Variants in CPT1A observed in about 807,000 individuals in gnomAD.
CPT1A encodes carnitine palmitoyltransferase 1A.
In CPT1A, 64 loss-of-function variants were observed where a neutral mutation model predicts 100.8. That is an observed-to-expected ratio of 0.63 (90% CI 0.52 to 0.78). The LOEUF (loss-of-function observed/expected upper bound fraction) is 0.78. Among genes scored for constraint, CPT1A ranks in the 30% least tolerant of loss-of-function variants. CPT1A has a pLI of 0.00. For missense variants in CPT1A, 802 were observed against 1,034.1 expected (o/e 0.78, Z 3.08); for synonymous variants, 363 against 396.0 (o/e 0.92, Z 0.99).
At chr11:68,803,482 G>T (rs1855958992) in intron 5 of CPT1A, among the ~76,000 whole-genome samples, 1 of 152,010 alleles carries the variant, frequency 6.6e-6, no homozygotes, top group South Asian at 2.1e-4. Flanking sequence ...AGGCTGAGGC[G>T]GGTGGATCAC....
chr11:68,774,070 G>A (rs1855075408), intron 13 of CPT1A, among the ~76,000 whole-genome samples: 1 of 152,222 alleles, frequency 6.6e-6, no homozygotes. Context: ...GACCCTGGAC[G>A]CATGCCAATG....
intron 12 of CPT1A, among the ~76,000 whole-genome samples, 187 bp from the exon 13 acceptor site, chr11:68,775,619 G>A (rs1033050437): frequency 2.0e-5 from 3 of 152,184 alleles, no homozygotes; most frequent in South Asian, 4.1e-4. Context: ...GACAGAGAGA[G>A]GACAGACGAG....
At position 68,807,406 on chromosome 11, in the gene CPT1A, G is replaced by A; in HGVS notation, c.453+61C>T. On this transcript the variant is annotated intron_variant, in intron 4 of 18. Coordinates refer to ENST00000265641, the MANE Select transcript of CPT1A (RefSeq NM_001876.4). ...CGCAGGGGTGTCCTTCCGCAGGGGTGTCCTTCTTCCCAAAGCCCAAACTGT... is the reference window on the plus strand; with the variant it reads ...CGCAGGGGTGTCCTTCCGCAGGGGTATCCTTCTTCCCAAAGCCCAAACTGT... 2.0e-6 allele frequency: 3 copies of A among 1,536,844 alleles called. No individual in the cohort carries two copies. The East Asian group carries it at 7.0e-5, about 36-fold the overall frequency.
At chr11:68,777,004 G>A (rs1566351755) in intron 12 of CPT1A, among the ~76,000 whole-genome samples, 3 of 152,354 alleles carry the variant, frequency 2.0e-5, no homozygotes, top group African/African-American at 7.2e-5. Context: ...GGCGGGGCGG[G>A]TGGAAGGTGC....
intron 12 of CPT1A, among the ~76,000 whole-genome samples, chr11:68,776,979 G>C (rs545539391): frequency 6.6e-6 from 1 of 152,354 alleles, no homozygotes; most frequent in Admixed American, 6.5e-5. Context: ...CGGGGTGACT[G>C]TCGGCTGGCG....
At chr11:68,822,309 A>G (rs3019614) in intron 1 of CPT1A, among the ~76,000 whole-genome samples, 135,810 of 152,106 alleles carry the variant, frequency 0.89, 62,133 homozygotes, top group Non-Finnish European at 1. Context: ...AGACAGGAGG[A>G]TTGCTTTGGC....
intron 14 of CPT1A, among the ~76,000 whole-genome samples, chr11:68,770,152 C>T (rs1594324138): frequency 6.6e-6 from 1 of 152,048 alleles, no homozygotes; most frequent in African/African-American, 2.4e-5. Context: ...TCTCCCTCTC[C>T]CTGGGGAGGA....
intron 1 of CPT1A, among the ~76,000 whole-genome samples, chr11:68,834,727 C>G (rs926170705): frequency 1.3e-5 from 2 of 152,082 alleles, no homozygotes; most frequent in Non-Finnish European, 2.9e-5. Flanking sequence ...GATGACAGAG[C>G]GAGACCCTGT....
intron 14 of CPT1A, among the ~76,000 whole-genome samples, chr11:68,763,246 A>C (rs1854681580): frequency 6.6e-6 from 1 of 152,124 alleles, no homozygotes; most frequent in African/African-American, 2.4e-5. Flanking sequence ...GGCCTGGTGG[A>C]GGTGGGTCAG....
At chr11:68,776,272 G>T (rs1169136625) in intron 12 of CPT1A, among the ~76,000 whole-genome samples, 1 of 152,140 alleles carries the variant, frequency 6.6e-6, no homozygotes, top group Non-Finnish European at 1.5e-5. Flanking sequence ...GGTGGCACAT[G>T]GCTGTAGTCC....
intron 17 of CPT1A, 45 bp from the exon 18 acceptor site, chr11:68,759,706 A>G (rs375886039): frequency 2.1e-5 from 30 of 1,407,014 alleles, no homozygotes; most frequent in African/African-American, 4.2e-5. Flanking sequence ...AAATGAGACA[A>G]CGTGAAAAAG....
chr11:68,786,093 T>G, intron 9 of CPT1A: 2 of 701,794 alleles, frequency 2.8e-6, no homozygotes, highest in Non-Finnish European at 5.2e-6. Flanking sequence ...CCAGGAGCAG[T>G]GGCTCACCCT....
At chr11:68,834,495 T>G (rs1411706647) in intron 1 of CPT1A, among the ~76,000 whole-genome samples, 1 of 152,118 alleles carries the variant, frequency 6.6e-6, no homozygotes, top group Non-Finnish European at 1.5e-5. Flanking sequence ...CTCATGCCTG[T>G]AATCCCAATA....
At chr11:68,821,423 G>A (rs1374120124) in intron 1 of CPT1A, among the ~76,000 whole-genome samples, 1 of 152,206 alleles carries the variant, frequency 6.6e-6, no homozygotes, top group Non-Finnish European at 1.5e-5. Flanking sequence ...AAAGTGCTGG[G>A]ATTACAGGCG....
At chr11:68,792,368 G>C (rs1163578418) in intron 9 of CPT1A, among the ~76,000 whole-genome samples, 1 of 152,082 alleles carries the variant, frequency 6.6e-6, no homozygotes, top group South Asian at 2.1e-4. Context: ...TTGCAGGTCA[G>C]CTCTGGCCCT....
chr11:68,777,610 G>T (rs1003161591), intron 12 of CPT1A, among the ~76,000 whole-genome samples: 1 of 152,158 alleles, frequency 6.6e-6, no homozygotes, highest in Non-Finnish European at 1.5e-5. Flanking sequence ...TCTGCTGGAC[G>T]CTAACAACTA....
At chr11:68,802,282 T>G (rs1855922062) in intron 5 of CPT1A, among the ~76,000 whole-genome samples, 1 of 152,076 alleles carries the variant, frequency 6.6e-6, no homozygotes, top group Non-Finnish European at 1.5e-5. Context: ...GTTGTGTACA[T>G]TTTACCATAA....
intron 1 of CPT1A, among the ~76,000 whole-genome samples, chr11:68,833,700 C>T (rs777344800): frequency 4.6e-5 from 7 of 151,850 alleles, no homozygotes; most frequent in Non-Finnish European, 7.4e-5. Flanking sequence ...CACCACCGCA[C>T]TCCAGCCTGG....
rs1187812996 is a variant in CPT1A, at chr11:68,807,620, C to T, written c.300G>A (p.Gln100=). 2 of 1,614,154 alleles carry T rather than the reference C, an allele frequency of 1.2e-6. No homozygotes were observed. Among genetic ancestry groups the T allele is most frequent in the Admixed American group, 3.3e-5 (2 of 60,026 alleles). ...GCACGCCGCTGACCACGTTCTTCGT[C>T]TGGCTGGACATGCAGTTGCTGTGGA... is the stretch of plus-strand genomic sequence containing the variant. The part of the protein sequence containing the change: ...TLETANCMSS[Q]TKNVVSGVLF... The change falls in exon 4 of 19, where the codon CAG becomes CAA. Residue 100 remains glutamine (Q), a synonymous_variant. Transcript: ENST00000265641.
Sources: allele counts gnomAD v4.1 joint callset (sites outside exome capture counted in the v4.1 genomes callset), GRCh38; gene constraint gnomAD v4.1.1; transcripts MANE v1.5; gene names NCBI Gene and HGNC (gene_info 2026-07-23, HGNC 2026-07-21).